The following ANO3 variants were observed in gnomAD, a reference collection of about 807,000 sequenced individuals.
ANO3 encodes the protein anoctamin 3.
Under a neutral mutation model 144.8 loss-of-function variants are expected in ANO3, and 99 were observed. The ratio of observed to expected loss-of-function variants is 0.68; its 90% CI spans 0.58 to 0.81. The LOEUF (loss-of-function observed/expected upper bound fraction) is 0.81, where lower values mean the gene tolerates loss of function less well. Ranked by LOEUF, ANO3 falls within the 30% of genes least tolerant of loss-of-function variation. The pLI is 0.00. For synonymous variants in ANO3, 414 were observed against 392.6 expected (o/e 1.05, Z -0.64); for missense variants, 905 against 1,202.2 (o/e 0.75, Z 3.66).
chr11:26,449,293 A>G (rs1338778147), intron 3 of ANO3, among the ~76,000 whole-genome samples: 1 of 152,148 alleles, frequency 6.6e-6, no homozygotes, highest in Non-Finnish European at 1.5e-5. Context: ...AAAGTTATTT[A>G]TTTAGGTTAT....
intron 1 of ANO3, among the ~76,000 whole-genome samples, chr11:26,288,201 G>A (rs761405135): frequency 3.3e-5 from 5 of 152,154 alleles, no homozygotes; most frequent in Non-Finnish European, 7.4e-5. Context: ...GGCTGGCGAC[G>A]CTGACTTCAC....
chr11:26,336,465 G>A (rs1168410105), intron 1 of ANO3, among the ~76,000 whole-genome samples: 1 of 152,136 alleles, frequency 6.6e-6, no homozygotes, highest in Non-Finnish European at 1.5e-5. Context: ...TTAATAATAA[G>A]AATGTTTTAC....
chr11:26,605,217 G>A (rs374056047), intron 17 of ANO3, among the ~76,000 whole-genome samples: 7 of 152,214 alleles, frequency 4.6e-5, no homozygotes, highest in East Asian at 3.9e-4. Context: ...GATGGATTAC[G>A]TTTATTGATT....
At chr11:26,278,542 G>A (rs10834937) in intron 1 of ANO3, among the ~76,000 whole-genome samples, 27,659 of 151,856 alleles carry the variant, frequency 0.18, 2,764 homozygotes, top group African/African-American at 0.27. Context: ...TGTCACTCAC[G>A]TAGGCTCAAG....
chr11:26,263,077 G>C (rs1446669829), intron 1 of ANO3, among the ~76,000 whole-genome samples: 1 of 152,116 alleles, frequency 6.6e-6, no homozygotes, highest in Non-Finnish European at 1.5e-5. Context: ...TTCATTCCAA[G>C]ACCAAGCTTT....
chr11:26,569,976 A>G (rs1004958107), intron 14 of ANO3, among the ~76,000 whole-genome samples: 2 of 152,022 alleles, frequency 1.3e-5, no homozygotes, highest in African/African-American at 4.8e-5. Flanking sequence ...CCTAAGAGAA[A>G]TTTTGAAGTT....
At chr11:26,467,247 G>C (rs1056348405) in intron 4 of ANO3, among the ~76,000 whole-genome samples, 1 of 151,844 alleles carries the variant, frequency 6.6e-6, no homozygotes, top group African/African-American at 2.4e-5. Context: ...ATTACATTGG[G>C]ATAAATGAGG....
intron 1 of ANO3, among the ~76,000 whole-genome samples, chr11:26,318,155 G>A (rs906321092): frequency 6.6e-6 from 1 of 152,138 alleles, no homozygotes; most frequent in Non-Finnish European, 1.5e-5. Flanking sequence ...AATACCTAAT[G>A]TAGATGACAG....
At position 26,217,676 on chromosome 11, in the gene ANO3, A is replaced by G. The variant is rs1328733530; in HGVS notation, c.154+28346A>G. Among the ~76,000 whole-genome samples, 8 of 152,124 alleles carry G rather than the reference A, an allele frequency of 5.3e-5. No homozygotes were observed. In the East Asian group the frequency reaches 1.5e-3, roughly 29 times the overall value. ...TGTGCTTTGGAAAAAGTTGGCAAAT[A>G]GTATATGTTCTAAAAGTATTTGAGA... On this transcript the variant is annotated intron_variant, in intron 1 of 27. Transcript: ENST00000672621.
intron 4 of ANO3, among the ~76,000 whole-genome samples, chr11:26,495,404 T>C (rs1303603812): frequency 6.6e-6 from 1 of 151,868 alleles, no homozygotes; most frequent in Non-Finnish European, 1.5e-5. Flanking sequence ...CCATGGCACC[T>C]GGCCAAAATC....
chr11:26,196,333 T>C (rs1459305274), intron 1 of ANO3, among the ~76,000 whole-genome samples: 2 of 152,210 alleles, frequency 1.3e-5, no homozygotes, highest in Non-Finnish European at 2.9e-5. Context: ...GTCCTGCAGA[T>C]GTTTTCTTCA....
intron 1 of ANO3, among the ~76,000 whole-genome samples, chr11:26,358,974 A>T (rs1200047817): frequency 6.6e-6 from 1 of 152,134 alleles, no homozygotes; most frequent in Non-Finnish European, 1.5e-5. Flanking sequence ...CTTCATGAAC[A>T]TATGGTGGAG....
chr11:26,229,210 T>G (rs955510618), intron 1 of ANO3, among the ~76,000 whole-genome samples: 1 of 152,232 alleles, frequency 6.6e-6, no homozygotes, highest in African/African-American at 2.4e-5. Flanking sequence ...GAATTCTCTG[T>G]GTTAGTGAGA....
chr11:26,502,989 T>C (rs1267822086), intron 4 of ANO3, among the ~76,000 whole-genome samples: 2 of 152,176 alleles, frequency 1.3e-5, no homozygotes, highest in Non-Finnish European at 2.9e-5. Flanking sequence ...CTAAAATATT[T>C]GCAAAGTGTT....
intron 4 of ANO3, among the ~76,000 whole-genome samples, chr11:26,492,344 T>C (rs1277109725): frequency 6.6e-6 from 1 of 152,236 alleles, no homozygotes; most frequent in African/African-American, 2.4e-5. Context: ...TATTTTTGCA[T>C]GTTCCTAATC....
chr11:26,444,628 G>A (rs1314162283), intron 3 of ANO3, among the ~76,000 whole-genome samples: 1 of 152,182 alleles, frequency 6.6e-6, no homozygotes, highest in Non-Finnish European at 1.5e-5. Flanking sequence ...GGTCTGAGGA[G>A]TGAAATTAGT....
chr11:26,456,181 A>G (rs1859152044), intron 3 of ANO3, among the ~76,000 whole-genome samples: 1 of 152,206 alleles, frequency 6.6e-6, no homozygotes, highest in Admixed American at 6.5e-5. Flanking sequence ...CTTCATGTCT[A>G]AAACACCAAA....
At chr11:26,338,566 C>A (rs780668344) in intron 1 of ANO3, among the ~76,000 whole-genome samples, 1 of 152,154 alleles carries the variant, frequency 6.6e-6, no homozygotes, top group Non-Finnish European at 1.5e-5. Context: ...GGTGTGGAAG[C>A]TTTGTTCTTT....
At chr11:26,634,122 A>C in intron 18 of ANO3, 82 bp from the exon 19 acceptor site, 1 of 712,970 alleles carries the variant, frequency 1.4e-6, no homozygotes, top group Non-Finnish European at 2.3e-6. Flanking sequence ...ACAAACTTGA[A>C]CTTGGGGTTT....
Sources: gnomAD v4.1 joint callset for allele counts (sites outside exome capture counted in the v4.1 genomes callset) on GRCh38, gnomAD v4.1.1 for gene constraint, MANE v1.5 for transcripts, NCBI Gene and HGNC (gene_info 2026-07-23, HGNC 2026-07-21) for gene names.